The following CMKLR1 variants were observed in gnomAD, a reference collection of about 807,000 sequenced individuals.
CMKLR1 encodes the protein chemerin chemokine-like receptor 1.
In CMKLR1, 6 loss-of-function variants were observed where a neutral mutation model predicts 8.2. The ratio of observed to expected loss-of-function variants is 0.73; its 90% CI spans 0.40 to 1.44. The LOEUF is 1.44. Ranked by LOEUF, CMKLR1 falls within the 40% of genes most tolerant of loss-of-function variation. The pLI is 0.02. For missense variants in CMKLR1, 429 were observed against 478.0 expected (o/e 0.90, Z 0.96); for synonymous variants, 178 against 181.2 (o/e 0.98, Z 0.14).
intron 1 of CMKLR1, 145 bp downstream of exon 1, chr12:108,338,882 C>T (rs918176356): frequency 1.1e-4 from 17 of 152,208 alleles, no homozygotes; most frequent in African/African-American, 4.1e-4. Context: ...ACATGCATTA[C>T]TTTTGACATC....
chr12:108,297,644 T>G (rs1175554974), intron 2 of CMKLR1, among the ~76,000 whole-genome samples: 5 of 152,244 alleles, frequency 3.3e-5, no homozygotes, highest in Admixed American at 3.3e-4. Flanking sequence ...TACACTTGCC[T>G]GAGGCCACAC....
At position 108,290,664 on chromosome 12, in the gene CMKLR1, G is replaced by A. The variant is rs1308498382; in HGVS notation, c.*1177C>T. On this transcript the variant is annotated 3_prime_UTR_variant, in exon 4 of 4. Transcript: ENST00000550402. ...GGCTATGACACTCTGTGGCCACAGG[G>A]ACGTGTCAGTATTAGATGAGAAAAG... The A allele has an allele frequency of 2.0e-5, 3 of 152,202 alleles. No homozygotes were observed. The highest frequency in any genetic ancestry group is 1.9e-4 in the East Asian group (1 of 5,184). The allele number at this position is 152,202 out of a possible 1,614,324, so 9.4% of individuals were successfully genotyped here.
chr12:108,311,753 T>C (rs1891583857), intron 2 of CMKLR1, among the ~76,000 whole-genome samples: 2 of 152,082 alleles, frequency 1.3e-5, no homozygotes, highest in Admixed American at 1.3e-4. Context: ...TAGCCTCCCT[T>C]CCCCTTGGAC....
intron 2 of CMKLR1, among the ~76,000 whole-genome samples, chr12:108,326,183 C>G (rs939848341): frequency 2.3e-4 from 35 of 152,200 alleles, no homozygotes; most frequent in African/African-American, 6.8e-4. Context: ...TAAGTTGGAA[C>G]TACAAACTTC....
At chr12:108,300,947 A>T (rs1891251111) in intron 2 of CMKLR1, among the ~76,000 whole-genome samples, 1 of 152,144 alleles carries the variant, frequency 6.6e-6, no homozygotes. Context: ...ACAGGGAGGG[A>T]CACAGAGGCT....
intron 1 of CMKLR1, among the ~76,000 whole-genome samples, chr12:108,337,744 C>G (rs145875417): frequency 6.6e-6 from 1 of 152,172 alleles, no homozygotes; most frequent in East Asian, 1.9e-4. Context: ...AGATAACTCT[C>G]CTGTGGACCT....
chr12:108,293,657 A>G lies in CMKLR1; in HGVS notation c.-66T>C, dbSNP rs929365186. ...AGCCAATCAGTCCCTGTACACAGCT[A>G]GAAACACCTGTAGGGAAAAAAAAAA... On this transcript the variant is annotated 5_prime_UTR_variant, in exon 3 of 4. The change abolishes the stop of an existing upstream ORF in the 5' untranslated region. Coordinates refer to ENST00000550402, the MANE Select transcript of CMKLR1 (RefSeq NM_001142343.2). 1 of 1,404,888 alleles carries G rather than the reference A, an allele frequency of 7.1e-7. No homozygotes were observed. The highest frequency in any genetic ancestry group is 1.5e-5 in the African/African-American group (1 of 67,234). 87.0% of individuals were successfully genotyped at this position (1,404,888 alleles called of 1,614,324 possible).
intron 2 of CMKLR1, among the ~76,000 whole-genome samples, chr12:108,301,019 G>A (rs1231341873): frequency 6.7e-6 from 1 of 150,348 alleles, no homozygotes; most frequent in Non-Finnish European, 1.5e-5. Flanking sequence ...AGTCAATGTT[G>A]CTATTGTTGT....
chr12:108,296,736 G>T (rs939987415), intron 2 of CMKLR1, among the ~76,000 whole-genome samples: 1 of 152,070 alleles, frequency 6.6e-6, no homozygotes, highest in Non-Finnish European at 1.5e-5. Context: ...TGAGGCAGGG[G>T]AATTGCTTGA....
rs528855998 is a variant in CMKLR1, at chr12:108,310,741, C to T, written c.-73-17077G>A. On this transcript the variant is annotated intron_variant, in intron 2 of 3. Transcript: ENST00000550402. Reference sequence around the variant, plus strand: ...AGTCCTGGGGGCTGGGAGCCATCTTCCCCCGGAGTCCATGATGCCACAGAT... The same window carrying T: ...AGTCCTGGGGGCTGGGAGCCATCTTTCCCCGGAGTCCATGATGCCACAGAT... Among the ~76,000 whole-genome samples the T allele has an allele frequency of 5.1e-4, 77 of 152,272 alleles. 1 individual carries two copies. The highest frequency in any genetic ancestry group is 1.5e-3 in the Admixed American group (23 of 15,294).
intron 2 of CMKLR1, among the ~76,000 whole-genome samples, chr12:108,305,565 G>A (rs1891386186): frequency 6.6e-6 from 1 of 152,120 alleles, no homozygotes; most frequent in Admixed American, 6.5e-5. Context: ...AGAGAGAAGG[G>A]GCCTCTCATC....
At chr12:108,335,615 C>T (rs1017422506) in intron 1 of CMKLR1, among the ~76,000 whole-genome samples, 8 of 152,162 alleles carry the variant, frequency 5.3e-5, no homozygotes, top group African/African-American at 1.9e-4. Flanking sequence ...ATTATTGTGG[C>T]CAAAGAGTAA....
intron 2 of CMKLR1, among the ~76,000 whole-genome samples, chr12:108,321,814 T>A (rs1428965188): frequency 6.6e-6 from 1 of 152,194 alleles, no homozygotes; most frequent in African/African-American, 2.4e-5. Flanking sequence ...CTGACTGAAC[T>A]AGGAATTGAG....
intron 2 of CMKLR1, among the ~76,000 whole-genome samples, chr12:108,315,168 C>T (rs1351000811): frequency 6.6e-6 from 1 of 152,098 alleles, no homozygotes; most frequent in Non-Finnish European, 1.5e-5. Flanking sequence ...GGTGATCCAC[C>T]TGCCTCGGCC....
chr12:108,313,967 A>T (rs1210317250), intron 2 of CMKLR1, among the ~76,000 whole-genome samples: 1 of 152,078 alleles, frequency 6.6e-6, no homozygotes, highest in Non-Finnish European at 1.5e-5. Flanking sequence ...CTCCGCCAGC[A>T]CTTCCTCTGC....
In CMKLR1 at chr12:108,293,672, G is replaced by GAAAAA; in HGVS notation, c.-73-13_-73-9dup. 1.1e-5 allele frequency: 10 copies of GAAAAA among 901,956 alleles called. No individual in the cohort carries two copies. The highest frequency in any genetic ancestry group is 3.4e-5 in the Admixed American group (1 of 29,488). 55.9% of individuals were successfully genotyped at this position (901,956 alleles called of 1,614,324 possible). On this transcript the variant is annotated splice_polypyrimidine_tract_variant and intron_variant, in intron 2 of 3. Coordinates refer to ENST00000550402, the MANE Select transcript of CMKLR1 (RefSeq NM_001142343.2). ...GTACACAGCTAGAAACACCTGTAGG[G>GAAAAA]AAAAAAAAAAAAAAAAAAGCAGCAA...
At chr12:108,301,582 T>C (rs1361710064) in intron 2 of CMKLR1, among the ~76,000 whole-genome samples, 1 of 152,218 alleles carries the variant, frequency 6.6e-6, no homozygotes, top group African/African-American at 2.4e-5. Context: ...AATAAGCACA[T>C]GCTTTACTAT....
intron 2 of CMKLR1, among the ~76,000 whole-genome samples, chr12:108,298,332 C>G (rs1891186592): frequency 6.6e-6 from 1 of 152,214 alleles, no homozygotes; most frequent in African/African-American, 2.4e-5. Context: ...TCATGCATCT[C>G]CAACAACCTC....
intron 2 of CMKLR1, among the ~76,000 whole-genome samples, chr12:108,299,453 A>G (rs12311926): frequency 0.28 from 42,887 of 152,074 alleles, 6,750 homozygotes; most frequent in East Asian, 0.48. Flanking sequence ...TCTAGGAAGC[A>G]TCCCCTCTCC....
Sources: gnomAD v4.1 joint callset for allele counts (sites outside exome capture counted in the v4.1 genomes callset) on GRCh38, gnomAD v4.1.1 for gene constraint, MANE v1.5 for transcripts, NCBI Gene and HGNC (gene_info 2026-07-23, HGNC 2026-07-21) for gene names.